MVB12B: variants seen among roughly 807,000 people sequenced by gnomAD.
MVB12B encodes the protein ESCRT-I complex subunit MVB12B.
A neutral mutation model predicts 41.6 loss-of-function variants in MVB12B; 16 were observed. The ratio of observed to expected loss-of-function variants is 0.38; its 90% CI spans 0.26 to 0.58. The LOEUF is 0.58. Among genes scored for constraint, MVB12B ranks in the 20% least tolerant of loss-of-function variants. MVB12B has a pLI of 0.62. For synonymous variants in MVB12B, 133 were observed against 139.7 expected, an observed-to-expected ratio of 0.95 and a Z score of 0.34; for missense variants, 274 against 380.2, an observed-to-expected ratio of 0.72 and a Z score of 2.32.
In MVB12B at chr9:126,389,281, G is replaced by A. The variant is rs997491195; in HGVS notation, c.409+2623G>A. On this transcript the variant is annotated intron_variant, in intron 4 of 9. Coordinates refer to ENST00000361171, the MANE Select transcript of MVB12B (RefSeq NM_033446.3). This position sits in a 1 kb window ranked among gnomAD's most constrained non-coding sequence, Gnocchi z 4.4. ...CCAGGGAACAGAGGAGCCCAAGCTG[G>A]CCACATAAGCCTTATGATCAGCTCT... Among the ~76,000 whole-genome samples the A allele has an allele frequency of 6.6e-6, 1 of 152,074 alleles. No homozygotes were observed. The highest frequency in any genetic ancestry group is 2.4e-5 in the African/African-American group (1 of 41,396).
chr9:126,502,634 T>C (rs1833983832), intron 9 of MVB12B, among the ~76,000 whole-genome samples: 1 of 150,988 alleles, frequency 6.6e-6, no homozygotes, highest in Non-Finnish European at 1.5e-5. Flanking sequence ...ATGGGGAGGG[T>C]GTGGATGGTG....
intron 7 of MVB12B, among the ~76,000 whole-genome samples, chr9:126,451,615 AG>A (rs947518154): frequency 1.6e-4 from 25 of 152,078 alleles, no homozygotes; most frequent in African/African-American, 6.0e-4. Flanking sequence ...CCACCGGGAC[AG>A]GGGGGCCAAA....
In MVB12B at chr9:126,391,620, G is replaced by A. The variant is rs757595964; in HGVS notation, c.410-446G>A. Among the ~76,000 whole-genome samples, 11 of 152,314 alleles carry A rather than the reference G, an allele frequency of 7.2e-5. No individual in the cohort carries two copies. The highest frequency in any genetic ancestry group is 1.0e-4 in the Non-Finnish European group (7 of 68,014). ...GAGAGGAAACCAGCTTGTCCATTGTGCACAGCATTGACACTGGGTGACGGG... is the reference window on the plus strand; with the variant it reads ...GAGAGGAAACCAGCTTGTCCATTGTACACAGCATTGACACTGGGTGACGGG... On this transcript the variant is annotated intron_variant, in intron 4 of 9. Coordinates refer to ENST00000361171, the MANE Select transcript of MVB12B (RefSeq NM_033446.3). The surrounding 1 kb of genome is among the most constrained non-coding windows in gnomAD (Gnocchi z 4.4).
intron 7 of MVB12B, among the ~76,000 whole-genome samples, chr9:126,429,497 A>G (rs1313866717): frequency 2.6e-5 from 4 of 152,306 alleles, no homozygotes; most frequent in East Asian, 1.9e-4. Context: ...CTGTGTTTAG[A>G]TGGCAGAGTG....
intron 6 of MVB12B, among the ~76,000 whole-genome samples, chr9:126,400,867 A>C (rs1202955781): frequency 6.6e-6 from 1 of 152,168 alleles, no homozygotes; most frequent in African/African-American, 2.4e-5. Flanking sequence ...GGCAGGCATG[A>C]GCTGACGATG....
intron 6 of MVB12B, among the ~76,000 whole-genome samples, chr9:126,400,332 A>C (rs1400053840): frequency 1.3e-5 from 2 of 152,148 alleles, no homozygotes; most frequent in Non-Finnish European, 2.9e-5. Context: ...TTTAGGCTTA[A>C]CACTTTAAAA....
intron 7 of MVB12B, among the ~76,000 whole-genome samples, chr9:126,460,265 T>G (rs1393411842): frequency 6.6e-6 from 1 of 152,244 alleles, no homozygotes; most frequent in Non-Finnish European, 1.5e-5. Context: ...GCCGCCTTGC[T>G]GGACACATTC....
rs550105511 is a variant in MVB12B at position 126,413,304 on chromosome 9, A to G, written c.663-8550A>G. On this transcript the variant is annotated intron_variant, in intron 6 of 9. Transcript: ENST00000361171. ...CTGTGTTCAAGTCCAAGCTGTATCC[A>G]GCAGAGAGGCAAGCTGTGGAGCCTC... 1.1e-3 allele frequency among the ~76,000 whole-genome samples: 172 copies of G among 152,324 alleles called. 1 individual carries two copies. The highest frequency in any genetic ancestry group is 2.1e-3 in the Non-Finnish European group (141 of 68,026).
intron 1 of MVB12B, among the ~76,000 whole-genome samples, chr9:126,336,574 C>T (rs1829283456): frequency 6.6e-6 from 1 of 152,216 alleles, no homozygotes; most frequent in African/African-American, 2.4e-5. Context: ...CTATCTGCAG[C>T]ACTGCAGGCA....
At chr9:126,382,966 A>C (rs1830676069) in intron 3 of MVB12B, among the ~76,000 whole-genome samples, 1 of 152,248 alleles carries the variant, frequency 6.6e-6, no homozygotes, top group Non-Finnish European at 1.5e-5. Flanking sequence ...GGACAAGGGC[A>C]GTGTGAAAAG....
intron 2 of MVB12B, among the ~76,000 whole-genome samples, chr9:126,365,013 A>G (rs2118904387): frequency 6.7e-6 from 1 of 148,610 alleles, no homozygotes; most frequent in East Asian, 2.0e-4. Flanking sequence ...CGGCCTCCCA[A>G]AGTGCTGGGA....
chr9:126,331,800 TC>T (rs1028795345), intron 1 of MVB12B, among the ~76,000 whole-genome samples: 1 of 152,128 alleles, frequency 6.6e-6, no homozygotes, highest in African/African-American at 2.4e-5. Context: ...TGCCTGACTT[TC>T]CCCCCTTAGA....
intron 7 of MVB12B, among the ~76,000 whole-genome samples, chr9:126,474,705 T>C (rs749767737): frequency 1.3e-5 from 2 of 152,188 alleles, no homozygotes; most frequent in Non-Finnish European, 2.9e-5. Flanking sequence ...TTTGCTGCAG[T>C]TCTCATGTGC....
At chr9:126,353,149 G>A (rs1159649062) in intron 2 of MVB12B, among the ~76,000 whole-genome samples, 1 of 152,208 alleles carries the variant, frequency 6.6e-6, no homozygotes, top group African/African-American at 2.4e-5. Flanking sequence ...AAGGGGAGAT[G>A]AGACTGGAAG....
At chr9:126,414,262 C>T (rs10819156) in intron 6 of MVB12B, among the ~76,000 whole-genome samples, 18,630 of 152,146 alleles carry the variant, frequency 0.12, 1,532 homozygotes, top group East Asian at 0.38. Flanking sequence ...AATGAAATTC[C>T]CCTCAGCATG....
chr9:126,494,925 C>T (rs1312499132), intron 9 of MVB12B, among the ~76,000 whole-genome samples: 1 of 150,100 alleles, frequency 6.7e-6, no homozygotes, highest in Non-Finnish European at 1.5e-5. Flanking sequence ...GGCCCGGTGG[C>T]TCACACCTGT....
Position 126,395,703 on chromosome 9 carries a change from G to A in MVB12B, c.662+6G>A. On this transcript the variant is annotated splice_donor_region_variant and intron_variant, in intron 6 of 9. Transcript: ENST00000361171. The surrounding 1 kb of genome is among the most constrained non-coding windows in gnomAD (Gnocchi z 4.9). The stretch of plus-strand genomic sequence containing the variant: ...CCAGCCCCCAACCTTCCCAGGTGAG[G>A]CCTTGTCGGGGTGTCTTGCGTTGTC... The A allele has an allele frequency of 6.2e-7, 1 of 1,613,884 alleles. No homozygotes were observed. The highest frequency in any genetic ancestry group is 8.5e-7 in the Non-Finnish European group (1 of 1,179,880).
At chr9:126,353,629 T>C (rs1265195458) in intron 2 of MVB12B, among the ~76,000 whole-genome samples, 1 of 152,232 alleles carries the variant, frequency 6.6e-6, no homozygotes, top group Non-Finnish European at 1.5e-5. Flanking sequence ...GTTATTATTA[T>C]GTATTCTTAT....
intron 7 of MVB12B, among the ~76,000 whole-genome samples, chr9:126,450,292 C>G (rs1049453535): frequency 3.3e-5 from 5 of 152,204 alleles, no homozygotes; most frequent in Admixed American, 3.3e-4. Flanking sequence ...TAATGGATGG[C>G]CGGCTGAGCT....
Sources: allele counts gnomAD v4.1 joint callset (sites outside exome capture counted in the v4.1 genomes callset), GRCh38; gene constraint gnomAD v4.1.1; non-coding constraint Gnocchi (gnomAD v3.1); transcripts MANE v1.5; gene names NCBI Gene and HGNC (gene_info 2026-07-23, HGNC 2026-07-21).